Variants in DEPDC5 observed in about 807,000 individuals in gnomAD.
DEPDC5 encodes DEP domain containing 5, GATOR1 subcomplex subunit.
Under a neutral mutation model 217.3 loss-of-function variants are expected in DEPDC5, and 73 were observed. The ratio of observed to expected loss-of-function variants is 0.34; its 90% CI spans 0.28 to 0.41. The LOEUF (loss-of-function observed/expected upper bound fraction) is 0.41, where lower values mean the gene tolerates loss of function less well. Among genes scored for constraint, DEPDC5 ranks in the 10% least tolerant of loss-of-function variants. DEPDC5 has a pLI of 1.00. For synonymous variants in DEPDC5, 733 were observed against 756.7 expected (o/e 0.97, Z 0.51); for missense variants, 1,675 against 2,070.1 (o/e 0.81, Z 3.70).
chr22:31,756,277 A>G (rs887449504), intron 2 of DEPDC5, among the ~76,000 whole-genome samples: 4 of 152,186 alleles, frequency 2.6e-5, no homozygotes. Context: ...AGGGAAAACA[A>G]TAGTTTCTCT....
At chr22:31,763,002 T>C (rs954657706) in intron 4 of DEPDC5, among the ~76,000 whole-genome samples, 1 of 151,390 alleles carries the variant, frequency 6.6e-6, no homozygotes, top group Non-Finnish European at 1.5e-5. Context: ...TATATTTTTA[T>C]TTTTTTGAGA....
chr22:31,805,627 C>T (rs760214690), intron 17 of DEPDC5, among the ~76,000 whole-genome samples: 7 of 151,898 alleles, frequency 4.6e-5, no homozygotes, highest in African/African-American at 9.7e-5. Flanking sequence ...CAGCCTCCTG[C>T]GTAGTTGGGA....
chr22:31,847,001 C>T, intron 31 of DEPDC5, 34 bp downstream of exon 31: 1 of 1,614,018 alleles, frequency 6.2e-7, no homozygotes. Context: ...CTTGTCCCCA[C>T]CTTGACAGCC....
intron 4 of DEPDC5, among the ~76,000 whole-genome samples, chr22:31,764,503 T>A (rs1337348449): frequency 6.6e-6 from 1 of 152,042 alleles, no homozygotes; most frequent in African/African-American, 2.4e-5. Context: ...ACAACCTCTG[T>A]CTCTGGGGTT....
intron 33 of DEPDC5, among the ~76,000 whole-genome samples, chr22:31,862,588 G>C (rs1220220068): frequency 6.6e-6 from 1 of 152,144 alleles, no homozygotes; most frequent in Non-Finnish European, 1.5e-5. Flanking sequence ...TAACAAAATA[G>C]AATTTTTTAA....
At chr22:31,843,061 A>C in intron 27 of DEPDC5, 34 bp from the exon 28 acceptor site, 1 of 1,528,396 alleles carries the variant, frequency 6.5e-7, no homozygotes, top group South Asian at 1.1e-5. Context: ...AATGAGCTTC[A>C]AACAGATGGA....
intron 40 of DEPDC5, among the ~76,000 whole-genome samples, chr22:31,901,237 TCC>T (rs2093643357): frequency 7.8e-6 from 1 of 128,688 alleles, no homozygotes; most frequent in African/African-American, 3.0e-5. Context: ...AGCAAGACTC[TCC>T]CTCAAAAAAA....
chr22:31,856,320 C>T (rs376754665), intron 31 of DEPDC5, among the ~76,000 whole-genome samples: 1 of 152,086 alleles, frequency 6.6e-6, no homozygotes, highest in Non-Finnish European at 1.5e-5. Flanking sequence ...TGAGACAGAG[C>T]CTCCTAGACA....
chr22:31,852,864 G>A (rs752643721), intron 31 of DEPDC5: 1 of 152,344 alleles, frequency 6.6e-6, no homozygotes, highest in Non-Finnish European at 1.5e-5. Context: ...AAGGCTTGGT[G>A]GGCGGGGGCC....
intron 6 of DEPDC5, among the ~76,000 whole-genome samples, chr22:31,767,712 G>A (rs2082942147): frequency 1.3e-5 from 2 of 152,024 alleles, no homozygotes; most frequent in African/African-American, 4.8e-5. Context: ...GATTATAGGT[G>A]TGAGGCATCG....
At chr22:31,834,098 T>A in intron 25 of DEPDC5, 118 bp downstream of exon 25, 6 of 983,572 alleles carry the variant, frequency 6.1e-6, no homozygotes, top group African/African-American at 1.6e-5. Flanking sequence ...CACATACCTC[T>A]GGGGTATGGG....
chr22:31,768,773 C>T, intron 6 of DEPDC5, 41 bp from the exon 7 acceptor site: 5 of 1,435,802 alleles, frequency 3.5e-6, no homozygotes, highest in African/African-American at 1.4e-5. Context: ...ACCCTCTCTC[C>T]CTCCCTCCCT....
intron 38 of DEPDC5, among the ~76,000 whole-genome samples, chr22:31,892,907 C>T (rs1283250873): frequency 3.6e-5 from 5 of 138,038 alleles, no homozygotes; most frequent in East Asian, 2.1e-4. Context: ...GACGGAGTCT[C>T]GCTGTATTGC....
chr22:31,823,435 A>G (rs1185595323), intron 24 of DEPDC5, among the ~76,000 whole-genome samples: 1 of 151,836 alleles, frequency 6.6e-6, no homozygotes, highest in Non-Finnish European at 1.5e-5. Flanking sequence ...GGGAAGGCTG[A>G]AGCAGGAGAA....
intron 7 of DEPDC5, among the ~76,000 whole-genome samples, chr22:31,774,138 G>A (rs62238897): frequency 0.17 from 25,442 of 151,488 alleles, 2,208 homozygotes; most frequent in African/African-American, 0.2. Context: ...CTTGTCTCCT[G>A]TTGACTAACA....
chr22:31,834,229 A>T, intron 25 of DEPDC5: 1 of 516,192 alleles, frequency 1.9e-6, no homozygotes, highest in Non-Finnish European at 3.6e-6. Context: ...CAGATTCCCT[A>T]TAAGGCCCCC....
rs771479452 is a variant in DEPDC5, at chr22:31,778,199, A to C, written c.483+31A>C. 35 of 1,599,442 alleles carry C rather than the reference A, an allele frequency of 2.2e-5. No homozygotes were observed. The Admixed American group carries it at 3.7e-4, about 17-fold the overall frequency. On this transcript the variant is annotated intron_variant, in intron 8 of 42. Transcript: ENST00000651528. ...ATTTATAAAATGCTTTTTTGGTTTT[A>C]TCTCTCCATACTATTATGGCTAAGT... is the stretch of plus-strand genomic sequence containing the variant.
chr22:31,761,662 CAAAAAAA>C (rs532267383), intron 4 of DEPDC5, among the ~76,000 whole-genome samples: 2 of 97,460 alleles, frequency 2.1e-5, no homozygotes, highest in Middle Eastern at 6.0e-3. Flanking sequence ...GACCCTATCT[CAAAAAAA>C]AAAAAAAAAA....
chr22:31,835,807 T>G (rs1036098133), intron 25 of DEPDC5, among the ~76,000 whole-genome samples: 1 of 152,152 alleles, frequency 6.6e-6, no homozygotes, highest in African/African-American at 2.4e-5. Context: ...GAATTAGATC[T>G]GTTGCAGGCT....
Sources: allele counts gnomAD v4.1 joint callset (sites outside exome capture counted in the v4.1 genomes callset), GRCh38; gene constraint gnomAD v4.1.1; transcripts MANE v1.5; gene names NCBI Gene and HGNC (gene_info 2026-07-23, HGNC 2026-07-21).